Variants in DLGAP1 observed in about 807,000 individuals in gnomAD.
DLGAP1 encodes the protein DLG associated protein 1.
Under a neutral mutation model 90.8 loss-of-function variants are expected in DLGAP1, and 11 were observed. The ratio of observed to expected loss-of-function variants is 0.12; its 90% confidence interval spans 0.08 to 0.20. The LOEUF (loss-of-function observed/expected upper bound fraction) is 0.20, where lower values mean the gene tolerates loss of function less well. Ranked by LOEUF, DLGAP1 falls within the 10% of genes least tolerant of loss-of-function variation. The pLI is 1.00. For synonymous variants in DLGAP1, 558 were observed against 540.7 expected (o/e 1.03, Z -0.44); for missense variants, 1,050 against 1,333.8 (o/e 0.79, Z 3.31).
chr18:4,329,605 C>T (rs146689805), intron 1 of DLGAP1, among the ~76,000 whole-genome samples: 3 of 151,980 alleles, frequency 2.0e-5, no homozygotes, highest in Admixed American at 6.5e-5. Context: ...TATCTCAACA[C>T]GGTTGAGTCA....
intron 8 of DLGAP1, chr18:3,580,628 C>A: frequency 1.3e-6 from 2 of 1,595,124 alleles, no homozygotes; most frequent in Middle Eastern, 1.7e-4. Context: ...TGCCGGTGAG[C>A]CTTTGTCGGC....
chr18:3,930,363 T>G (rs2148928093), intron 3 of DLGAP1, among the ~76,000 whole-genome samples: 1 of 152,248 alleles, frequency 6.6e-6, no homozygotes, highest in Non-Finnish European at 1.5e-5. Context: ...TCCCAGGTGG[T>G]TTGTGTTTTA....
At chr18:3,803,305 C>A (rs1157847620) in intron 5 of DLGAP1, among the ~76,000 whole-genome samples, 2 of 152,160 alleles carry the variant, frequency 1.3e-5, no homozygotes, top group African/African-American at 4.8e-5. Flanking sequence ...AACTCCAACA[C>A]AATCTTTCTT....
At chr18:3,685,726 T>C (rs1181368484) in intron 7 of DLGAP1, among the ~76,000 whole-genome samples, 1 of 151,982 alleles carries the variant, frequency 6.6e-6, no homozygotes, top group Non-Finnish European at 1.5e-5. Flanking sequence ...GGGAATGCCA[T>C]GAGCCACTGT....
intron 7 of DLGAP1, among the ~76,000 whole-genome samples, chr18:3,641,358 G>T (rs574919081): frequency 6.6e-6 from 1 of 151,664 alleles, no homozygotes; most frequent in Non-Finnish European, 1.5e-5. Context: ...CCAACATGAG[G>T]AAATCCCGTC....
chr18:3,780,562 C>T (rs1235076147), intron 5 of DLGAP1, among the ~76,000 whole-genome samples: 1 of 152,150 alleles, frequency 6.6e-6, no homozygotes, highest in Non-Finnish European at 1.5e-5. Flanking sequence ...TCCCTTTTCA[C>T]GTGTAAGGCT....
intron 2 of DLGAP1, among the ~76,000 whole-genome samples, chr18:4,149,786 C>G (rs2076643464): frequency 6.6e-6 from 1 of 152,200 alleles, no homozygotes; most frequent in Non-Finnish European, 1.5e-5. Flanking sequence ...ATCCCGAAAC[C>G]ATCTCCCCAC....
At chr18:3,685,733 C>G (rs114146946) in intron 7 of DLGAP1, among the ~76,000 whole-genome samples, 178 of 152,272 alleles carry the variant, frequency 1.2e-3, no homozygotes, top group African/African-American at 4.0e-3. Flanking sequence ...CCATGAGCCA[C>G]TGTGCCCAGC....
At chr18:4,031,651 T>C (rs2149130437) in intron 2 of DLGAP1, among the ~76,000 whole-genome samples, 1 of 152,298 alleles carries the variant, frequency 6.6e-6, no homozygotes, top group Admixed American at 6.5e-5. Context: ...ATGAAAGAGC[T>C]TTCCAATAGT....
At chr18:4,027,992 C>T (rs980798657) in intron 2 of DLGAP1, among the ~76,000 whole-genome samples, 6 of 152,222 alleles carry the variant, frequency 3.9e-5, no homozygotes, top group Non-Finnish European at 7.4e-5. Flanking sequence ...GTGGTGTCAC[C>T]TACCTCAACA....
At chr18:3,572,031 T>C (rs1033098731) in intron 8 of DLGAP1, among the ~76,000 whole-genome samples, 1 of 151,736 alleles carries the variant, frequency 6.6e-6, no homozygotes, top group Non-Finnish European at 1.5e-5. Flanking sequence ...TTCTTTCACG[T>C]TGCTGAATTC....
At chr18:4,371,982 G>C (rs117747357) in intron 1 of DLGAP1, among the ~76,000 whole-genome samples, 9 of 152,290 alleles carry the variant, frequency 5.9e-5, no homozygotes, top group African/African-American at 1.9e-4. Context: ...TGCTGTTCTT[G>C]GGTAGAGAAA....
chr18:4,186,214 C>T (rs1259609258), intron 1 of DLGAP1, among the ~76,000 whole-genome samples: 1 of 152,016 alleles, frequency 6.6e-6, no homozygotes, highest in Non-Finnish European at 1.5e-5. Context: ...ATATTTTCTC[C>T]CATTCTGTAG....
chr18:4,147,101 A>G (rs2076597434), intron 2 of DLGAP1, among the ~76,000 whole-genome samples: 1 of 152,226 alleles, frequency 6.6e-6, no homozygotes, highest in Non-Finnish European at 1.5e-5. Context: ...AAAGCAAAAA[A>G]ACCAGAAAGC....
chr18:4,178,691 T>A (rs1352059505), intron 1 of DLGAP1, among the ~76,000 whole-genome samples: 2 of 152,176 alleles, frequency 1.3e-5, no homozygotes, highest in Non-Finnish European at 2.9e-5. Context: ...CTTTTTATAG[T>A]CATATTTTAT....
At chr18:4,021,240 C>T (rs923808050) in intron 2 of DLGAP1, among the ~76,000 whole-genome samples, 1 of 152,174 alleles carries the variant, frequency 6.6e-6, no homozygotes, top group African/African-American at 2.4e-5. Flanking sequence ...GTCTAGGCAG[C>T]AGGCAAGGAG....
At chr18:4,114,363 T>C (rs2076026132) in intron 2 of DLGAP1, among the ~76,000 whole-genome samples, 1 of 152,192 alleles carries the variant, frequency 6.6e-6, no homozygotes, top group Admixed American at 6.5e-5. Flanking sequence ...TTATTATTTT[T>C]TGTGACAATT....
Position 3,801,951 on chromosome 18 carries a change from C to T in DLGAP1, c.1172+12108G>A, listed in dbSNP as rs184121758. 1.3e-3 allele frequency among the ~76,000 whole-genome samples: 197 copies of T among 148,170 alleles called. 1 individual carries two copies. The highest frequency in any genetic ancestry group is 6.9e-3 in the Middle Eastern group (2 of 288). ...TAATTGGCTTTTTGACTCCACGCCA[C>T]GCAGGCCATCTGTGTTTTTGTTTGT... On this transcript the variant is annotated intron_variant, in intron 5 of 12. Transcript: ENST00000315677.
rs1178543642 is a variant in DLGAP1, at chr18:4,262,268, T to G, written c.-266-110981A>C. ...ATGTGAGCTAGTACTTAGCACTTCTTCTATCTAATTCCCTTAATTAAGAAA... is the reference window on the plus strand; with the variant it reads ...ATGTGAGCTAGTACTTAGCACTTCTGCTATCTAATTCCCTTAATTAAGAAA... On this transcript the variant is annotated intron_variant, in intron 1 of 12. Coordinates refer to ENST00000315677, the MANE Select transcript of DLGAP1 (RefSeq NM_004746.4). 2.0e-5 allele frequency among the ~76,000 whole-genome samples: 3 copies of G among 152,308 alleles called. No homozygotes were observed. In the South Asian group the frequency reaches 6.2e-4, roughly 32 times the overall value.
Sources: allele counts gnomAD v4.1 joint callset (sites outside exome capture counted in the v4.1 genomes callset), GRCh38; gene constraint gnomAD v4.1.1; transcripts MANE v1.5; gene names NCBI Gene and HGNC (gene_info 2026-07-23, HGNC 2026-07-21).